The following PDHX variants were observed in gnomAD, a reference collection of about 807,000 sequenced individuals.
PDHX encodes the protein pyruvate dehydrogenase complex component X.
A neutral mutation model predicts 55.3 loss-of-function variants in PDHX; 33 were observed. That is an observed-to-expected ratio of 0.60 (90% CI 0.45 to 0.80). The LOEUF is 0.80. PDHX is among the 30% of genes least tolerant of loss of function. The pLI is 0.00. For synonymous variants in PDHX, 226 were observed against 219.4 expected (o/e 1.03, Z -0.27); for missense variants, 622 against 619.9 (o/e 1.00, Z -0.04).
At chr11:34,972,041 T>C (rs72914744) in intron 7 of PDHX, among the ~76,000 whole-genome samples, 3,410 of 152,060 alleles carry the variant, frequency 0.022, 47 homozygotes, top group Middle Eastern at 0.037. Flanking sequence ...CATTACCTTA[T>C]TATACTGTCA....
intron 6 of PDHX, among the ~76,000 whole-genome samples, chr11:34,969,337 G>T (rs553369176): frequency 1.4e-3 from 215 of 149,392 alleles, no homozygotes; most frequent in Middle Eastern, 3.5e-3. Context: ...ATTTCAGGTG[G>T]TTTTTTTTCT....
intron 9 of PDHX, among the ~76,000 whole-genome samples, chr11:34,988,633 T>C (rs146276380): frequency 2.6e-5 from 4 of 151,614 alleles, no homozygotes; most frequent in South Asian, 2.1e-4. Context: ...AGCTAAGGAC[T>C]CAACAGTTAT....
chr11:34,981,642 C>G (rs1855515945), intron 8 of PDHX, among the ~76,000 whole-genome samples: 1 of 152,048 alleles, frequency 6.6e-6, no homozygotes. Flanking sequence ...TCCTATTTCT[C>G]CACATCCTCT....
intron 3 of PDHX, among the ~76,000 whole-genome samples, chr11:34,955,011 C>T (rs1012382274): frequency 3.3e-5 from 5 of 152,120 alleles, no homozygotes; most frequent in South Asian, 2.1e-4. Flanking sequence ...ATTTCAGTAT[C>T]GATGAGCTCT....
At chr11:34,916,309 C>T (rs992171757), upstream of PDHX, 7 of 1,610,050 alleles carry the variant, frequency 4.3e-6, no homozygotes, top group Admixed American at 8.4e-5. Context: ...ACCCGCGCGG[C>T]CTCCAATCTC....
chr11:34,990,769 T>G (rs1399331526), intron 9 of PDHX, among the ~76,000 whole-genome samples: 1 of 152,222 alleles, frequency 6.6e-6, no homozygotes, highest in Non-Finnish European at 1.5e-5. Flanking sequence ...AGCATACACC[T>G]GTAATTGTTT....
chr11:34,931,541 GTT>G, intron 2 of PDHX, 57 bp downstream of exon 2: 6 of 743,976 alleles, frequency 8.1e-6, no homozygotes, highest in South Asian at 1.6e-5. Flanking sequence ...ATTTTGTTTT[GTT>G]TTTTTTTTTC....
At chr11:34,960,565 TC>T (rs766679872) in intron 5 of PDHX, 47 bp downstream of exon 5, 8 of 1,138,222 alleles carry the variant, frequency 7.0e-6, no homozygotes, top group Non-Finnish European at 6.6e-6. Flanking sequence ...TTTATTATGA[TC>T]ATGTTTTTTT....
intron 5 of PDHX, among the ~76,000 whole-genome samples, chr11:34,966,362 A>G (rs1855130543): frequency 6.6e-6 from 1 of 152,180 alleles, no homozygotes; most frequent in East Asian, 1.9e-4. Context: ...AAAAAAGACT[A>G]ATTTCCTTTT....
chr11:34,935,280 A>G (rs1371057795), intron 2 of PDHX, among the ~76,000 whole-genome samples: 1 of 152,136 alleles, frequency 6.6e-6, no homozygotes, highest in Non-Finnish European at 1.5e-5. Context: ...TTATTAAGAG[A>G]ATATTTGATA....
chr11:34,952,018 C>T (rs896097194), intron 3 of PDHX, among the ~76,000 whole-genome samples: 10 of 151,980 alleles, frequency 6.6e-5, no homozygotes, highest in South Asian at 6.2e-4. Flanking sequence ...AGATATGCGG[C>T]GTTATTTCTG....
intron 9 of PDHX, 117 bp from the exon 10 acceptor site, chr11:34,992,198 C>CA (rs1390828986): frequency 1.6e-6 from 1 of 640,286 alleles, no homozygotes; most frequent in Non-Finnish European, 2.8e-6. Flanking sequence ...ATATAGGTAA[C>CA]AAAATCAAAT....
At chr11:34,923,511 A>G (rs1853946731) in intron 1 of PDHX, among the ~76,000 whole-genome samples, 2 of 152,142 alleles carry the variant, frequency 1.3e-5, no homozygotes, top group South Asian at 4.1e-4. Context: ...TGTAAATACC[A>G]CCTAGTCTAG....
At chr11:34,960,627 A>G (rs1855004714) in intron 5 of PDHX, 109 bp downstream of exon 5, 1 of 663,406 alleles carries the variant, frequency 1.5e-6, no homozygotes, top group Non-Finnish European at 2.7e-6. Flanking sequence ...AAGGAGGTAC[A>G]CTGTTCTTCT....
At chr11:34,973,746 A>T (rs1384642749) in intron 7 of PDHX, among the ~76,000 whole-genome samples, 1 of 152,186 alleles carries the variant, frequency 6.6e-6, no homozygotes, top group East Asian at 1.9e-4. Flanking sequence ...ATATGATGTA[A>T]GCCCCAGAAT....
At chr11:34,943,960 C>T (rs1357990564) in intron 2 of PDHX, among the ~76,000 whole-genome samples, 11 of 151,954 alleles carry the variant, frequency 7.2e-5, no homozygotes, top group African/African-American at 2.4e-4. Flanking sequence ...GGATATTAAG[C>T]AAGCTTCTTG....
chr11:34,950,653 A>G lies in PDHX; in HGVS notation c.342+3047A>G, dbSNP rs555132646. Among the ~76,000 whole-genome samples the G allele has an allele frequency of 3.7e-3, 566 of 151,030 alleles. 2 individuals carry two copies. Among genetic ancestry groups the G allele is most frequent in the Admixed American group, 9.3e-3 (140 of 15,068 alleles). On this transcript the variant is annotated intron_variant, in intron 3 of 10. Coordinates refer to ENST00000227868, the MANE Select transcript of PDHX (RefSeq NM_003477.3). ...TGGTTTTTTGTCCTTGTGATAGTTT[A>G]CTGAGAATGATGATTTCCAGTTTCA...
At chr11:34,972,417 A>G (rs566806156) in intron 7 of PDHX, among the ~76,000 whole-genome samples, 45 of 146,658 alleles carry the variant, frequency 3.1e-4, no homozygotes, top group Middle Eastern at 3.5e-3. Flanking sequence ...TTTCTTCTTG[A>G]GACAGGGTCT....
chr11:34,980,294 G>T (rs193024857), intron 8 of PDHX, among the ~76,000 whole-genome samples: 105 of 143,442 alleles, frequency 7.3e-4, no homozygotes, highest in African/African-American at 2.6e-3. Flanking sequence ...ATTCATTTTG[G>T]TCAGAACTTT....
Sources: gnomAD v4.1 joint callset for allele counts (sites outside exome capture counted in the v4.1 genomes callset) on GRCh38, gnomAD v4.1.1 for gene constraint, MANE v1.5 for transcripts, NCBI Gene and HGNC (gene_info 2026-07-23, HGNC 2026-07-21) for gene names.